Variants in SLC9A1 observed in about 807,000 individuals in gnomAD.
The protein encoded by SLC9A1 is solute carrier family 9 member A1, also known as sodium/hydrogen exchanger 1.
A neutral mutation model predicts 67.9 loss-of-function variants in SLC9A1; 22 were observed. The ratio of observed to expected loss-of-function variants is 0.32; its 90% confidence interval spans 0.23 to 0.46. The LOEUF is 0.46. Ranked by LOEUF, SLC9A1 falls within the 20% of genes least tolerant of loss-of-function variation. SLC9A1 has a pLI of 1.00. For synonymous variants in SLC9A1, 421 were observed against 471.8 expected (o/e 0.89, Z 1.40); for missense variants, 686 against 1,094.8 (o/e 0.63, Z 5.27).
intron 3 of SLC9A1, 96 bp from the exon 4 acceptor site, chr1:27,107,961 C>T (rs2083201352): frequency 1.1e-6 from 1 of 881,244 alleles, no homozygotes; most frequent in Non-Finnish European, 1.8e-6. Context: ...ACCAAGGTGC[C>T]CATGTCCCAA....
At chr1:27,141,132 G>A (rs1570882916) in intron 1 of SLC9A1, among the ~76,000 whole-genome samples, 2 of 152,262 alleles carry the variant, frequency 1.3e-5, no homozygotes, top group East Asian at 3.9e-4. Context: ...AAGCAGGGAG[G>A]CAGAGGTTGC....
chr1:27,108,346 G>GTGGGCC, intron 3 of SLC9A1, among the ~76,000 whole-genome samples: 1 of 145,782 alleles, frequency 6.9e-6, no homozygotes, highest in East Asian at 2.1e-4. Context: ...GATTACAGGC[G>GTGGGCC]ACGAGCGCAT....
rs2124144204 is a variant in SLC9A1, at chr1:27,108,441, G to A, written c.1065-576C>T. Among the ~76,000 whole-genome samples the A allele has an allele frequency of 2.0e-5, 3 of 151,714 alleles. No individual in the cohort carries two copies. In the South Asian group the frequency reaches 6.3e-4, roughly 32 times the overall value. ...GCCTGTAATCCCAGCACTTTGGGAG[G>A]CCGACAAAGGCGGATCACTTGAGGC... is the stretch of plus-strand genomic sequence containing the variant. On this transcript the variant is annotated intron_variant, in intron 3 of 11. Coordinates refer to ENST00000263980, the MANE Select transcript of SLC9A1 (RefSeq NM_003047.5).
intron 1 of SLC9A1, among the ~76,000 whole-genome samples, chr1:27,117,898 G>A (rs903149359): frequency 6.6e-6 from 1 of 152,198 alleles, no homozygotes; most frequent in Non-Finnish European, 1.5e-5. Context: ...TGGGAACATT[G>A]AGGTGACTCA....
chr1:27,111,200 G>A (rs1023335237), intron 2 of SLC9A1, among the ~76,000 whole-genome samples: 5 of 152,136 alleles, frequency 3.3e-5, no homozygotes, highest in Non-Finnish European at 5.9e-5. Flanking sequence ...GTACTCAGCC[G>A]TGGGCTAAAC....
In SLC9A1 at chr1:27,105,792, A is replaced by G. The variant is rs2083180108; in HGVS notation, c.1485+93T>C. 7.2e-6 allele frequency: 8 copies of G among 1,109,334 alleles called. No homozygotes were observed. The East Asian group carries it at 2.0e-4, about 27-fold the overall frequency. The allele number at this position is 1,109,334 out of a possible 1,614,324, so 68.7% of individuals were successfully genotyped here. On this transcript the variant is annotated intron_variant, in intron 5 of 11. Transcript: ENST00000263980. The stretch of plus-strand genomic sequence containing the variant: ...AGTTAGTGGTGGAGCTGGGACTAGA[A>G]TCGCATTTCAAATCACACGCTTTCC...
At chr1:27,127,885 A>T (rs1286488122) in intron 1 of SLC9A1, among the ~76,000 whole-genome samples, 4 of 152,194 alleles carry the variant, frequency 2.6e-5, no homozygotes, top group Admixed American at 1.3e-4. Flanking sequence ...CAGGCTGGGG[A>T]TCAGGGGAAC....
intron 1 of SLC9A1, among the ~76,000 whole-genome samples, chr1:27,144,366 C>T (rs991862419): frequency 6.6e-6 from 1 of 152,186 alleles, no homozygotes; most frequent in Non-Finnish European, 1.5e-5. Flanking sequence ...CAGATCTTCC[C>T]AGAGAGACCC....
intron 1 of SLC9A1, among the ~76,000 whole-genome samples, chr1:27,131,883 T>C (rs942891547): frequency 3.5e-5 from 5 of 142,086 alleles, no homozygotes; most frequent in African/African-American, 1.3e-4. Context: ...ACGGCACCAC[T>C]GCATTCTAGC....
rs981285576 is a variant in SLC9A1, at chr1:27,100,116, G to T, written c.*191C>A. 4.1e-6 allele frequency: 2 copies of T among 485,968 alleles called. No homozygotes were observed. Among genetic ancestry groups the T allele is most frequent in the Non-Finnish European group, 3.6e-6 (1 of 278,114 alleles). 30.1% of individuals were successfully genotyped at this position (485,968 alleles called of 1,614,324 possible). A position where few individuals can be genotyped will look rare whatever the true frequency, so the allele number is the denominator to read the frequency against. ...CAAATGGATTGGGGAGGCAGCTCTG[G>T]TGGGGAGGATGCTTCCCGGGAGGCG... On this transcript the variant is annotated 3_prime_UTR_variant, in exon 12 of 12. Transcript: ENST00000263980. The surrounding 1 kb of genome is among the most constrained non-coding windows in gnomAD (Gnocchi z 5.6).
At position 27,109,937 on chromosome 1, in the gene SLC9A1, C is replaced by G. The variant is rs2083216634; in HGVS notation, c.814-160G>C. 6.6e-6 allele frequency among the ~76,000 whole-genome samples: 1 copy of G among 152,116 alleles called. No homozygotes were observed. Among genetic ancestry groups the G allele is most frequent in the Admixed American group, 6.5e-5 (1 of 15,278 alleles). ...CCTAGTGCCAAGCAGGTGCTCAAAA[C>G]CTCAGCCTGGGGCTGAGGGGCTTGC... On this transcript the variant is annotated intron_variant, in intron 2 of 11. Transcript: ENST00000263980. This position sits in a 1 kb window ranked among gnomAD's most constrained non-coding sequence, Gnocchi z 5.5.
chr1:27,139,466 G>A (rs1218771221), intron 1 of SLC9A1, among the ~76,000 whole-genome samples: 1 of 152,188 alleles, frequency 6.6e-6, no homozygotes, highest in Non-Finnish European at 1.5e-5. Flanking sequence ...CCGTCACATA[G>A]TGCAGAAGGC....
chr1:27,118,628 A>G lies in SLC9A1; in HGVS notation c.353-4342T>C, dbSNP rs2083287084. On this transcript the variant is annotated intron_variant, in intron 1 of 11. Transcript: ENST00000263980. This position sits in a 1 kb window ranked among gnomAD's most constrained non-coding sequence, Gnocchi z 4.3. ...CCAGGATGCCAAGAGATGAGGCAAA[A>G]CTTTCAGGGCCCAAACATGCAGCAG... Among the ~76,000 whole-genome samples, 1 of 152,142 alleles carries G rather than the reference A, an allele frequency of 6.6e-6. No homozygotes were observed. The highest frequency in any genetic ancestry group is 1.5e-5 in the Non-Finnish European group (1 of 68,020).
chr1:27,145,198 A>G (rs2083477945), intron 1 of SLC9A1, among the ~76,000 whole-genome samples: 1 of 152,154 alleles, frequency 6.6e-6, no homozygotes. Context: ...CAAGACTCAG[A>G]CTAATGTTCC....
At chr1:27,102,602 G>A (rs778965557) in intron 7 of SLC9A1, 44 bp from the exon 8 acceptor site, 2 of 1,611,692 alleles carry the variant, frequency 1.2e-6, no homozygotes, top group Non-Finnish European at 1.7e-6. Context: ...GCTTCCAGGA[G>A]TGGGGAGATG....
intron 1 of SLC9A1, among the ~76,000 whole-genome samples, chr1:27,127,133 TGGGACTACA>T (rs2083350596): frequency 6.6e-6 from 1 of 152,152 alleles, no homozygotes; most frequent in Admixed American, 6.6e-5. Context: ...CCCATGTAAC[TGGGACTACA>T]GGCGCGTGCC....
intron 2 of SLC9A1, among the ~76,000 whole-genome samples, chr1:27,111,015 C>T (rs780246389): frequency 8.0e-4 from 121 of 152,198 alleles, no homozygotes; most frequent in Non-Finnish European, 1.2e-3. Flanking sequence ...CAGCCTCTGG[C>T]TTTACTCTCT....
Position 27,130,446 on chromosome 1 carries a change from C to A in SLC9A1, c.353-16160G>T, listed in dbSNP as rs547147573. Among the ~76,000 whole-genome samples the A allele has an allele frequency of 1.4e-4, 21 of 152,284 alleles. 2 individuals are homozygous for A. In the South Asian group the frequency reaches 4.4e-3, roughly 32 times the overall value. ...AGATCCCTAGCAGTACCAGTGTGCCCTGGTTCTGTGTGTGCCTTGCAAGGA... is the reference window on the plus strand; with the variant it reads ...AGATCCCTAGCAGTACCAGTGTGCCATGGTTCTGTGTGTGCCTTGCAAGGA... On this transcript the variant is annotated intron_variant, in intron 1 of 11. Transcript: ENST00000263980.
At chr1:27,139,587 G>A (rs748662131) in intron 1 of SLC9A1, among the ~76,000 whole-genome samples, 15 of 151,378 alleles carry the variant, frequency 9.9e-5, no homozygotes, top group Middle Eastern at 3.4e-3. Context: ...GCCATCACAG[G>A]TGCTCAGTGC....
Sources: allele counts gnomAD v4.1 joint callset (sites outside exome capture counted in the v4.1 genomes callset), GRCh38; gene constraint gnomAD v4.1.1; non-coding constraint Gnocchi (gnomAD v3.1); transcripts MANE v1.5; gene names NCBI Gene and HGNC (gene_info 2026-07-23, HGNC 2026-07-21).